CUL4A: variants seen among roughly 807,000 people sequenced by gnomAD.
CUL4A encodes the protein cullin-4A.
A neutral mutation model predicts 95.5 loss-of-function variants in CUL4A; 16 were observed. That is an observed-to-expected ratio of 0.17 (90% CI 0.11 to 0.25). The LOEUF (loss-of-function observed/expected upper bound fraction) is 0.25. Among genes scored for constraint, CUL4A ranks in the 10% least tolerant of loss-of-function variants. The pLI, the probability that CUL4A is intolerant of heterozygous loss-of-function variation, is 1.00. For synonymous variants in CUL4A, 380 were observed against 353.1 expected, an observed-to-expected ratio of 1.08 and a Z score of -0.85; for missense variants, 610 against 937.0, an observed-to-expected ratio of 0.65 and a Z score of 4.56.
intron 3 of CUL4A, among the ~76,000 whole-genome samples, chr13:113,221,079 G>A (rs1007757620): frequency 1.9e-4 from 27 of 145,306 alleles, no homozygotes; most frequent in African/African-American, 6.3e-4. Flanking sequence ...CTCCTGAAGG[G>A]ATGGGGAGGA....
chr13:113,253,477 A>G (rs2042045540), intron 16 of CUL4A, among the ~76,000 whole-genome samples: 1 of 152,246 alleles, frequency 6.6e-6, no homozygotes, highest in African/African-American at 2.4e-5. Context: ...GTGAAGATGC[A>G]TTACACTTCT....
At chr13:113,252,051 G>A (rs1343156255) in intron 15 of CUL4A, among the ~76,000 whole-genome samples, 1 of 152,084 alleles carries the variant, frequency 6.6e-6, no homozygotes, top group Non-Finnish European at 1.5e-5. Context: ...AAGAGTGGAG[G>A]GTATGACGGA....
At position 113,264,615 on chromosome 13, in the gene CUL4A, G is replaced by C; in HGVS notation, c.*1033G>C. On this transcript the variant is annotated 3_prime_UTR_variant, in exon 20 of 20. Transcript: ENST00000375440. The stretch of plus-strand genomic sequence containing the variant: ...GAAAGTTCAGTAGTGATGTTAGAAG[G>C]GTAACTATGACAAAGATACTTTTGA... The C allele has an allele frequency of 6.6e-6, 1 of 152,374 alleles. No individual in the cohort carries two copies. Among genetic ancestry groups the C allele is most frequent in the East Asian group, 1.9e-4 (1 of 5,188 alleles). 9.4% of individuals were successfully genotyped at this position (152,374 alleles called of 1,614,324 possible). A position where few individuals can be genotyped will look rare whatever the true frequency, so the allele number is the denominator to read the frequency against.
rs1437554650 is a variant in CUL4A at position 113,264,085 on chromosome 13, A to C, written c.*503A>C. 1 of 152,452 alleles carries C rather than the reference A, an allele frequency of 6.6e-6. No individual in the cohort carries two copies. The highest frequency in any genetic ancestry group is 6.5e-5 in the Admixed American group (1 of 15,272). 9.4% of individuals were successfully genotyped at this position (152,452 alleles called of 1,614,324 possible). On this transcript the variant is annotated 3_prime_UTR_variant, in exon 20 of 20. Coordinates refer to ENST00000375440, the MANE Select transcript of CUL4A (RefSeq NM_001008895.4). ...GAACATTAGAAAGAGCCAGGGTTCA[A>C]AGCTGGCGAATGGATGACGCACCCT... is the stretch of plus-strand genomic sequence containing the variant.
chr13:113,249,934 C>T (rs1171773106), intron 15 of CUL4A, among the ~76,000 whole-genome samples: 9 of 152,162 alleles, frequency 5.9e-5, no homozygotes, highest in Non-Finnish European at 7.4e-5. Context: ...TAGTTTTTAA[C>T]CGGGCTGTTT....
intron 18 of CUL4A, among the ~76,000 whole-genome samples, chr13:113,257,027 C>T (rs909531001): frequency 7.9e-5 from 11 of 138,992 alleles, no homozygotes; most frequent in Non-Finnish European, 1.4e-4. Flanking sequence ...CGGGTTCAAG[C>T]GATTCTCCTG....
intron 18 of CUL4A, among the ~76,000 whole-genome samples, chr13:113,256,111 C>T (rs906526780): frequency 2.0e-5 from 3 of 152,000 alleles, no homozygotes; most frequent in East Asian, 1.9e-4. Context: ...CGCTTGATCC[C>T]GGGAGTTTGA....
chr13:113,211,809 T>C (rs1171134931), intron 2 of CUL4A, among the ~76,000 whole-genome samples: 1 of 152,232 alleles, frequency 6.6e-6, no homozygotes, highest in Non-Finnish European at 1.5e-5. Context: ...CTCAGGGTCA[T>C]ATGGAAAATG....
intron 18 of CUL4A, among the ~76,000 whole-genome samples, chr13:113,259,072 A>C (rs556835927): frequency 6.6e-6 from 1 of 152,244 alleles, no homozygotes; most frequent in South Asian, 2.1e-4. Flanking sequence ...GTCTTTGTAT[A>C]TTTATTTTAT....
At chr13:113,236,170 ACAGAGAGGGTG>A (rs1421062722) in intron 8 of CUL4A, among the ~76,000 whole-genome samples, 6 of 152,034 alleles carry the variant, frequency 3.9e-5, no homozygotes, top group Non-Finnish European at 7.4e-5. Context: ...CAGCACAAAA[ACAGAGAGGGTG>A]CAGAAAAAGA....
chr13:113,236,311 G>GC (rs753022771), intron 8 of CUL4A, among the ~76,000 whole-genome samples: 83 of 152,270 alleles, frequency 5.5e-4, no homozygotes, highest in South Asian at 1.5e-3. Flanking sequence ...CAGAAGAGCA[G>GC]CCCCCGGGAG....
In CUL4A at chr13:113,245,489, G is replaced by A. The variant is rs191176989; in HGVS notation, c.1530+252G>A. Reference sequence around the variant, plus strand: ...CACTTGAGCCCAGGAGTTTGAGGCTGCAGTGAGCCGTGACTGCACCACTGC... The same window carrying A: ...CACTTGAGCCCAGGAGTTTGAGGCTACAGTGAGCCGTGACTGCACCACTGC... On this transcript the variant is annotated intron_variant, in intron 14 of 19. Coordinates refer to ENST00000375440, the MANE Select transcript of CUL4A (RefSeq NM_001008895.4). Among the ~76,000 whole-genome samples, 15 of 152,324 alleles carry A rather than the reference G, an allele frequency of 9.8e-5. No homozygotes were observed. In the East Asian group the frequency reaches 2.9e-3, roughly 29 times the overall value.
In CUL4A at chr13:113,265,333, G is replaced by C. The variant is rs1340652518; in HGVS notation, c.*1751G>C. 2 of 152,266 alleles carry C rather than the reference G, an allele frequency of 1.3e-5. No homozygotes were observed. Among genetic ancestry groups the C allele is most frequent in the East Asian group, 3.9e-4 (2 of 5,182 alleles). The allele number at this position is 152,266 out of a possible 1,614,324, so 9.4% of individuals were successfully genotyped here. On this transcript the variant is annotated 3_prime_UTR_variant, in exon 20 of 20. Coordinates refer to ENST00000375440, the MANE Select transcript of CUL4A (RefSeq NM_001008895.4). ...GGAGGGCAAGGTGGGAGGATCGTTTGAGCCTGAGTTCCAGACCATCCTGAG... is the reference window on the plus strand; with the variant it reads ...GGAGGGCAAGGTGGGAGGATCGTTTCAGCCTGAGTTCCAGACCATCCTGAG...
At chr13:113,208,477 C>T (rs2040121123), upstream of CUL4A, 7 of 1,535,588 alleles carry the variant, frequency 4.6e-6, no homozygotes, top group Admixed American at 3.9e-5. Flanking sequence ...CGCCGGGGAC[C>T]CGAACGGAAG....
intron 10 of CUL4A, 51 bp from the exon 11 acceptor site, chr13:113,242,917 T>C: frequency 7.1e-7 from 1 of 1,401,050 alleles, no homozygotes; most frequent in Non-Finnish European, 1.0e-6. Flanking sequence ...GAGAAGATAC[T>C]GTTTGCTATT....
At chr13:113,220,837 A>G (rs2040869835) in intron 3 of CUL4A, among the ~76,000 whole-genome samples, 1 of 152,196 alleles carries the variant, frequency 6.6e-6, no homozygotes, top group Non-Finnish European at 1.5e-5. Context: ...TCTACCCTCC[A>G]AGAAGTCGCA....
At position 113,211,916 on chromosome 13, in the gene CUL4A, A is replaced by T. The variant is rs1021057266; in HGVS notation, c.264+1828A>T. Reference sequence around the variant, plus strand: ...ATGGGAGCTCCGGTTCCACTCCGCCACCAGCGTGTGCGTCTCTCCCAGCAG... The same window carrying T: ...ATGGGAGCTCCGGTTCCACTCCGCCTCCAGCGTGTGCGTCTCTCCCAGCAG... On this transcript the variant is annotated intron_variant, in intron 2 of 19. Coordinates refer to ENST00000375440, the MANE Select transcript of CUL4A (RefSeq NM_001008895.4). 5.3e-5 allele frequency among the ~76,000 whole-genome samples: 8 copies of T among 151,916 alleles called. No homozygotes were observed. The East Asian group carries it at 1.5e-3, about 29-fold the overall frequency.
rs80055234 is a variant in CUL4A, at chr13:113,237,599, C to T, written c.916+709C>T. ...TGAAAATTACAATGAGCAGTCTAACCTTTGTAACACTTTAGTACTTACTGG... is the reference window on the plus strand; with the variant it reads ...TGAAAATTACAATGAGCAGTCTAACTTTTGTAACACTTTAGTACTTACTGG... On this transcript the variant is annotated intron_variant, in intron 9 of 19. Transcript: ENST00000375440. Among the ~76,000 whole-genome samples the T allele has an allele frequency of 2.5e-3, 377 of 152,296 alleles. 1 individual carries two copies. Among genetic ancestry groups the T allele is most frequent in the African/African-American group, 8.9e-3 (368 of 41,578 alleles).
At chr13:113,238,774 C>T (rs1223942030) in intron 9 of CUL4A, among the ~76,000 whole-genome samples, 16 of 152,124 alleles carry the variant, frequency 1.1e-4, no homozygotes, top group Admixed American at 1.0e-3. Flanking sequence ...ACATCGTGCC[C>T]AGTGTAGGCA....
Sources: gnomAD v4.1 joint callset for allele counts (sites outside exome capture counted in the v4.1 genomes callset) on GRCh38, gnomAD v4.1.1 for gene constraint, MANE v1.5 for transcripts, NCBI Gene and HGNC (gene_info 2026-07-23, HGNC 2026-07-21) for gene names.